The following HYCC2 variants were observed in gnomAD, a reference collection of about 807,000 sequenced individuals.
HYCC2 encodes hyccin PI4KA lipid kinase complex subunit 2, also known as hyccin 2.
At chr2:201,062,451 A>G in the HYCC2 span, among the ~76,000 whole-genome samples, 1 of 152,164 alleles carries the variant, frequency 6.6e-6, no homozygotes, top group African/African-American at 2.4e-5. Context: ...GATCGAGAGC[A>G]TCCTGGCTAA....
At chr2:201,017,023 T>C in the HYCC2 span, 31 of 1,613,870 alleles carry the variant, frequency 1.9e-5, 1 homozygote, top group South Asian at 3.4e-4. Flanking sequence ...AGTGCTTCAA[T>C]GCAACCATTA....
the HYCC2 span, among the ~76,000 whole-genome samples, chr2:201,038,421 C>T: frequency 6.6e-6 from 1 of 152,162 alleles, no homozygotes; most frequent in African/African-American, 2.4e-5. Context: ...ATAAACCATG[C>T]TGCTATAAAG....
the HYCC2 span, chr2:201,021,983 C>G: frequency 1.2e-6 from 1 of 826,790 alleles, no homozygotes; most frequent in Non-Finnish European, 1.8e-6. Context: ...AGAAGGAGGT[C>G]AATAAGCAAG....
chr2:201,069,824 A>T, the HYCC2 span, among the ~76,000 whole-genome samples: 8 of 152,230 alleles, frequency 5.3e-5, no homozygotes, highest in African/African-American at 1.7e-4. Context: ...AACAACTTTA[A>T]TGATGCACCT....
the HYCC2 span, among the ~76,000 whole-genome samples, chr2:201,011,705 A>G: frequency 6.6e-6 from 1 of 152,224 alleles, no homozygotes; most frequent in Non-Finnish European, 1.5e-5. Flanking sequence ...CATTGAGTAC[A>G]ATATTATACT....
chr2:200,981,604 A>G, the HYCC2 span: 1 of 1,613,204 alleles, frequency 6.2e-7, no homozygotes, highest in Non-Finnish European at 8.5e-7. The surrounding 1 kb of genome is among the most constrained non-coding windows in gnomAD (Gnocchi z 4.5). Flanking sequence ...TGTCAGCTCA[A>G]CTGAATCTAC....
At chr2:200,993,621 ATTTT>A in the HYCC2 span, among the ~76,000 whole-genome samples, 1 of 151,626 alleles carries the variant, frequency 6.6e-6, no homozygotes, top group African/African-American at 2.4e-5. Context: ...GTCTTGGGAA[ATTTT>A]TTTTTAATTG....
At chr2:201,038,594 G>A in the HYCC2 span, among the ~76,000 whole-genome samples, 1 of 152,162 alleles carries the variant, frequency 6.6e-6, no homozygotes, top group South Asian at 2.1e-4. Flanking sequence ...TCCTTTGTAG[G>A]GACATGGAAG....
chr2:201,065,010 T>C, the HYCC2 span, among the ~76,000 whole-genome samples: 1 of 152,204 alleles, frequency 6.6e-6, no homozygotes, highest in Non-Finnish European at 1.5e-5. Context: ...CATGTATACG[T>C]GTGTGTATAG....
chr2:201,036,680 T>C, the HYCC2 span, among the ~76,000 whole-genome samples: 7 of 152,158 alleles, frequency 4.6e-5, no homozygotes, highest in African/African-American at 1.7e-4. Flanking sequence ...AAAAGGCCTT[T>C]GACAAAATTC....
chr2:201,017,105 C>G, the HYCC2 span: 12 of 1,613,988 alleles, frequency 7.4e-6, no homozygotes, highest in Non-Finnish European at 1.0e-5. Context: ...GCAGTGTGAA[C>G]CTCTTAAGTC....
At chr2:201,010,029 G>A in the HYCC2 span, among the ~76,000 whole-genome samples, 13 of 151,382 alleles carry the variant, frequency 8.6e-5, no homozygotes, top group South Asian at 4.2e-4. Flanking sequence ...GCTTGAACCC[G>A]GGAGGTGGAG....
At chr2:201,049,543 C>CG in the HYCC2 span, among the ~76,000 whole-genome samples, 5 of 150,354 alleles carry the variant, frequency 3.3e-5, no homozygotes, top group Admixed American at 6.6e-5. Flanking sequence ...TTAGTAGAGA[C>CG]GGGGTTTCAC....
At chr2:201,050,768 C>G in the HYCC2 span, among the ~76,000 whole-genome samples, 2 of 151,878 alleles carry the variant, frequency 1.3e-5, no homozygotes, top group Non-Finnish European at 2.9e-5. Context: ...AACCCCGTCT[C>G]TACTAAAAAT....
the HYCC2 span, among the ~76,000 whole-genome samples, chr2:201,031,010 C>A: frequency 1.3e-5 from 2 of 152,170 alleles, no homozygotes; most frequent in African/African-American, 4.8e-5. Context: ...CACCCTTATA[C>A]ATATTTGTGC....
At chr2:201,034,295 T>G in the HYCC2 span, among the ~76,000 whole-genome samples, 16 of 152,202 alleles carry the variant, frequency 1.1e-4, 1 homozygote, top group African/African-American at 3.1e-4. Context: ...TGCTTCTGTT[T>G]TGGGTGCATA....
At chr2:201,027,230 C>A in the HYCC2 span, among the ~76,000 whole-genome samples, 90 of 152,190 alleles carry the variant, frequency 5.9e-4, no homozygotes, top group Admixed American at 1.6e-3. Flanking sequence ...TGGATAAATT[C>A]CTGGACACAT....
At chr2:201,027,368 T>C in the HYCC2 span, among the ~76,000 whole-genome samples, 2 of 152,142 alleles carry the variant, frequency 1.3e-5, no homozygotes, top group South Asian at 2.1e-4. Flanking sequence ...GATTCACAGC[T>C]GAATTCTACC....
the HYCC2 span, among the ~76,000 whole-genome samples, chr2:201,009,996 C>T: frequency 2.7e-5 from 4 of 150,842 alleles, no homozygotes; most frequent in South Asian, 2.1e-4. Context: ...CCCAGCTACT[C>T]GGAAGGCTGA....
Sources: allele counts gnomAD v4.1 joint callset (sites outside exome capture counted in the v4.1 genomes callset), GRCh38; gene constraint gnomAD v4.1.1; non-coding constraint Gnocchi (gnomAD v3.1); transcripts MANE v1.5; gene names NCBI Gene and HGNC (gene_info 2026-07-23, HGNC 2026-07-21).